OSBPL7: variants seen among roughly 807,000 people sequenced by gnomAD.
OSBPL7 encodes the protein oxysterol binding protein like 7, also known as oxysterol-binding protein-related protein 7.
A neutral mutation model predicts 115.8 loss-of-function variants in OSBPL7; 66 were observed. The observed-to-expected ratio is 0.57, with a 90% CI of 0.47 to 0.70. The LOEUF (loss-of-function observed/expected upper bound fraction) is 0.70, where lower values mean the gene tolerates loss of function less well. Among genes scored for constraint, OSBPL7 ranks in the 30% least tolerant of loss-of-function variants. The pLI is 0.00. For missense variants in OSBPL7, 902 were observed against 1,125.5 expected, an observed-to-expected ratio of 0.80 and a Z score of 2.84; for synonymous variants, 441 against 439.2, an observed-to-expected ratio of 1.00 and a Z score of -0.05.
chr17:47,810,746 C>G lies in OSBPL7; in HGVS notation c.1801+26G>C, dbSNP rs1376731617. 3.1e-6 allele frequency: 5 copies of G among 1,613,712 alleles called. No homozygotes were observed. The East Asian group carries it at 1.1e-4, about 36-fold the overall frequency. ...AGGGTGTTCCCTTTGCCCAGGGCCA[C>G]CCCGGCCCTGCCCTCTACTCCTCAC... On this transcript the variant is annotated intron_variant, in intron 17 of 22. Transcript: ENST00000007414.
chr17:47,809,761 T>A (rs569742637), intron 18 of OSBPL7, among the ~76,000 whole-genome samples: 2 of 152,346 alleles, frequency 1.3e-5, no homozygotes, highest in African/African-American at 4.8e-5. Context: ...AGGAACCGTG[T>A]GTACGTTCAC....
Position 47,808,477 on chromosome 17 carries a change from C to T in OSBPL7, c.2420+61G>A, listed in dbSNP as rs375013942. 6.2e-6 allele frequency: 10 copies of T among 1,613,770 alleles called. No individual in the cohort carries two copies. The highest frequency in any genetic ancestry group is 1.6e-4 in the Middle Eastern group (1 of 6,084). On this transcript the variant is annotated intron_variant, in intron 22 of 22. Coordinates refer to ENST00000007414, the MANE Select transcript of OSBPL7 (RefSeq NM_145798.3). This position sits in a 1 kb window ranked among gnomAD's most constrained non-coding sequence, Gnocchi z 6.1. ...GGGTCCTAAGGTGCTGCCTCCCACA[C>T]CTGCCCTGCTCCAAGCAGGGCTCAT...
chr17:47,814,500 G>A (rs1156534957), intron 14 of OSBPL7, 21 bp downstream of exon 14: 14 of 688,822 alleles, frequency 2.0e-5, no homozygotes, highest in African/African-American at 2.3e-5. Flanking sequence ...ACCCCTCCCT[G>A]CCTGCCCACC....
chr17:47,819,920 T>TAC, intron 3 of OSBPL7, 51 bp downstream of exon 3: 1 of 642,044 alleles, frequency 1.6e-6, no homozygotes, highest in Non-Finnish European at 2.6e-6. Context: ...CTGCCCCCCA[T>TAC]TCCCACCCCG....
At chr17:47,811,357 G>T (rs946195462) in intron 16 of OSBPL7, among the ~76,000 whole-genome samples, 1 of 151,904 alleles carries the variant, frequency 6.6e-6, no homozygotes, top group Non-Finnish European at 1.5e-5. Context: ...GTTCCCTGTC[G>T]CCCACAGCTC....
At chr17:47,812,933 C>T (rs2033088297) in intron 16 of OSBPL7, among the ~76,000 whole-genome samples, 1 of 152,180 alleles carries the variant, frequency 6.6e-6, no homozygotes, top group Admixed American at 6.5e-5. Flanking sequence ...CCATCTCTAA[C>T]CTTCCCAAGC....
At chr17:47,810,948 AG>A in intron 16 of OSBPL7, 113 bp from the exon 17 acceptor site, 1 of 1,053,788 alleles carries the variant, frequency 9.5e-7, no homozygotes, top group Non-Finnish European at 1.4e-6. Flanking sequence ...AGTTGGTTCC[AG>A]GTTTCCTGTC....
chr17:47,812,139 T>G (rs974115658), intron 16 of OSBPL7, among the ~76,000 whole-genome samples: 5 of 152,140 alleles, frequency 3.3e-5, no homozygotes, highest in African/African-American at 9.7e-5. Context: ...TGGAAAATAG[T>G]CTGCTTTTTT....
rs202223969 is a variant in OSBPL7 at position 47,816,644 on chromosome 17, G to A, written c.847C>T (p.Arg283Trp). 7 of 1,614,022 alleles carry A rather than the reference G, an allele frequency of 4.3e-6. No homozygotes were observed. The highest frequency in any genetic ancestry group is 1.7e-5 in the Admixed American group (1 of 60,026). Residue 283 changes from arginine to tryptophan, a missense_variant, in exon 10 of 23, where the codon CGG becomes TGG. Physicochemically the swap from Arg to Trp is moderately radical, Grantham distance 101. Coordinates refer to ENST00000007414, the MANE Select transcript of OSBPL7 (RefSeq NM_145798.3). The surrounding 1 kb of genome is among the most constrained non-coding windows in gnomAD (Gnocchi z 5.8). ...AGCCCACGGGTGCCCGAGGAGTCCC[G>A]AGACTCCAGGTAGCGAGACAGGTTG... ...VPNLSRYLES[R>W]DSSGTRGLPP...
At chr17:47,818,233 C>T (rs977175008) in intron 7 of OSBPL7, 36 bp downstream of exon 7, 3 of 1,572,698 alleles carry the variant, frequency 1.9e-6, no homozygotes, top group Non-Finnish European at 2.6e-6. Flanking sequence ...CAGCTTGGGG[C>T]CTACCCTTGG....
In OSBPL7 at chr17:47,820,187, C is replaced by A. The variant is rs2033355875; in HGVS notation, c.75+17G>T. On this transcript the variant is annotated intron_variant, in intron 2 of 22. Coordinates refer to ENST00000007414, the MANE Select transcript of OSBPL7 (RefSeq NM_145798.3). ...TTCCAGCTTGGCCCACCCACCACCG[C>A]TTTCCCACTCTCTGACCTGCTGAGC... 3 of 1,613,966 alleles carry A rather than the reference C, an allele frequency of 1.9e-6. No individual in the cohort carries two copies. The highest frequency in any genetic ancestry group is 2.5e-6 in the Non-Finnish European group (3 of 1,179,938).
chr17:47,809,207 C>T lies in OSBPL7; in HGVS notation c.2039G>A (p.Ser680Asn). 1.2e-6 allele frequency: 2 copies of T among 1,614,180 alleles called. No homozygotes were observed. Among genetic ancestry groups the T allele is most frequent in the Non-Finnish European group, 1.7e-6 (2 of 1,180,038 alleles). ...GCCCTGCACCTCGTGGACATTGGAA[C>T]TCCAGTACTTGGCCTGGGGTGGGGA... Reference protein sequence around the residue: ...KITFCKAKYWSSNVHEVQGAV... With the variant: ...KITFCKAKYWNSNVHEVQGAV... The change falls in exon 20 of 23, where the codon AGT becomes AAT. Residue 680 changes from serine (S) to asparagine (N), a missense_variant. This residue lies in a region of OSBPL7 where 230 missense variants were observed against 312.7 expected (regional missense o/e 0.74). Coordinates refer to ENST00000007414, the MANE Select transcript of OSBPL7 (RefSeq NM_145798.3).
chr17:47,818,768 G>C (rs1430839995), intron 5 of OSBPL7, 152 bp from the exon 6 acceptor site: 17 of 815,698 alleles, frequency 2.1e-5, no homozygotes, highest in Non-Finnish European at 3.3e-5. Context: ...CAGAGCGCAA[G>C]GCGCCCAGGT....
At chr17:47,813,462 A>G (rs1396054764) in intron 15 of OSBPL7, 59 bp from the exon 16 acceptor site, 8 of 1,608,762 alleles carry the variant, frequency 5.0e-6, no homozygotes, top group South Asian at 2.2e-5. Context: ...CCAAGCAAGC[A>G]AAGTATGGGA....
In OSBPL7 at chr17:47,816,720, AG is replaced by A; in HGVS notation, c.796-26del. 1 of 1,614,014 alleles carries A rather than the reference AG, an allele frequency of 6.2e-7. No individual in the cohort carries two copies. Among genetic ancestry groups the A allele is most frequent in the Non-Finnish European group, 8.5e-7 (1 of 1,179,956 alleles). Reference sequence around the variant, plus strand: ...CCTGTAGGTGAAGGGGAAGGGCTGAAGGGGCCGGCCTCCTTAGAGCATCCTG... The same window carrying A: ...CCTGTAGGTGAAGGGGAAGGGCTGAAGGGCCGGCCTCCTTAGAGCATCCTG... On this transcript the variant is annotated intron_variant, in intron 9 of 22. Transcript: ENST00000007414. This position sits in a 1 kb window ranked among gnomAD's most constrained non-coding sequence, Gnocchi z 5.8.
intron 18 of OSBPL7, among the ~76,000 whole-genome samples, 166 bp from the exon 19 acceptor site, chr17:47,809,644 G>A (rs565170201): frequency 2.0e-4 from 30 of 152,236 alleles, no homozygotes; most frequent in African/African-American, 6.7e-4. Flanking sequence ...AGGAAGAGTG[G>A]CCTTCACAGA....
chr17:47,809,055 C>T (rs767694107), intron 20 of OSBPL7, 21 bp downstream of exon 20: 2 of 1,613,892 alleles, frequency 1.2e-6, no homozygotes, highest in South Asian at 1.1e-5. Flanking sequence ...TCACCCAGCC[C>T]TCTGTGACCC....
At chr17:47,810,723 G>A (rs759060198) in intron 17 of OSBPL7, 49 bp downstream of exon 17, 4 of 1,612,846 alleles carry the variant, frequency 2.5e-6, no homozygotes, top group Non-Finnish European at 3.4e-6. Context: ...AAGGCCAGAG[G>A]GTGTTCCCTT....
chr17:47,816,555 G>A lies in OSBPL7; in HGVS notation c.928+8C>T. 1.2e-6 allele frequency: 2 copies of A among 1,607,532 alleles called. No homozygotes were observed. The highest frequency in any genetic ancestry group is 1.7e-6 in the Non-Finnish European group (2 of 1,177,020). ...GCTCCCCACCAGCCCCTCCCAGCAG[G>A]CACTTACCCTTCTGGGCCAGGGCCC... On this transcript the variant is annotated splice_region_variant and intron_variant, in intron 10 of 22. Coordinates refer to ENST00000007414, the MANE Select transcript of OSBPL7 (RefSeq NM_145798.3). The surrounding 1 kb of genome is among the most constrained non-coding windows in gnomAD (Gnocchi z 5.8).
Sources: allele counts gnomAD v4.1 joint callset (sites outside exome capture counted in the v4.1 genomes callset), GRCh38; gene constraint gnomAD v4.1.1; regional missense constraint gnomAD v4.1.1; non-coding constraint Gnocchi (gnomAD v3.1); transcripts MANE v1.5; gene names NCBI Gene and HGNC (gene_info 2026-07-23, HGNC 2026-07-21).